The following CYP46A1 variants were observed in gnomAD, a reference collection of about 807,000 sequenced individuals.
CYP46A1 encodes cytochrome P450 family 46 subfamily A member 1, also known as cholesterol 24-hydroxylase.
CYP46A1 carries 20 observed loss-of-function variants against 63.3 expected under a neutral mutation model. The observed-to-expected ratio is 0.32, with a 90% confidence interval of 0.22 to 0.46. The LOEUF (loss-of-function observed/expected upper bound fraction) is 0.46. Ranked by LOEUF, CYP46A1 falls within the 20% of genes least tolerant of loss-of-function variation. CYP46A1 has a pLI of 1.00. For missense variants in CYP46A1, 445 were observed against 670.8 expected (o/e 0.66, Z 3.72); for synonymous variants, 268 against 273.6 (o/e 0.98, Z 0.20).
At chr14:99,692,321 A>T (rs1257927442) in intron 3 of CYP46A1, among the ~76,000 whole-genome samples, 1 of 152,254 alleles carries the variant, frequency 6.6e-6, no homozygotes, top group Non-Finnish European at 1.5e-5. Flanking sequence ...TAATCCTCAT[A>T]GGAGTAGGGA....
chr14:99,718,471 G>GT (rs1566835119), intron 10 of CYP46A1, among the ~76,000 whole-genome samples: 1 of 152,220 alleles, frequency 6.6e-6, no homozygotes, highest in South Asian at 2.1e-4. Context: ...AGGGACCGTG[G>GT]TTTTTTCCCT....
chr14:99,712,254 C>T (rs2056740407), intron 7 of CYP46A1: 1 of 152,138 alleles, frequency 6.6e-6, no homozygotes, highest in Non-Finnish European at 1.5e-5. Context: ...TTTCATCACT[C>T]TTATTCAACG....
intron 5 of CYP46A1, among the ~76,000 whole-genome samples, chr14:99,703,025 G>A (rs2056645317): frequency 6.6e-6 from 1 of 152,118 alleles, no homozygotes; most frequent in African/African-American, 2.4e-5. Context: ...CATTTTTGAA[G>A]ATGACAGGAC....
chr14:99,688,526 G>T (rs959459713), intron 1 of CYP46A1, among the ~76,000 whole-genome samples: 34 of 152,132 alleles, frequency 2.2e-4, no homozygotes, highest in Non-Finnish European at 2.6e-4. Context: ...CGGGAGGGTA[G>T]CCCAGGCCAA....
chr14:99,690,891 G>A (rs997658577), intron 1 of CYP46A1, among the ~76,000 whole-genome samples, 190 bp from the exon 2 acceptor site: 2 of 152,286 alleles, frequency 1.3e-5, no homozygotes, highest in Non-Finnish European at 2.9e-5. Context: ...GGGGGTCTTT[G>A]GAGCTGGTCA....
chr14:99,692,989 A>G (rs551264181), intron 3 of CYP46A1, among the ~76,000 whole-genome samples: 2 of 152,346 alleles, frequency 1.3e-5, no homozygotes, highest in African/African-American at 4.8e-5. Context: ...GGGACCTTGG[A>G]CAAGTTGCTT....
intron 1 of CYP46A1, 100 bp downstream of exon 1, chr14:99,684,636 AGT>A: frequency 2.8e-6 from 3 of 1,080,158 alleles, no homozygotes; most frequent in Non-Finnish European, 4.0e-6. Context: ...GGCCTCGCCT[AGT>A]GCGCGCGGCC....
intron 3 of CYP46A1, 106 bp downstream of exon 3, chr14:99,691,967 C>A: frequency 8.5e-7 from 1 of 1,176,198 alleles, no homozygotes; most frequent in Non-Finnish European, 1.2e-6. Context: ...GAGCCAGGCG[C>A]ATTTCGGCTG....
Position 99,726,906 on chromosome 14 carries a change from G to C in CYP46A1, c.*179G>C. The C allele has an allele frequency of 2.0e-6, 1 of 498,848 alleles. No individual in the cohort carries two copies. The highest frequency in any genetic ancestry group is 3.4e-6 in the Non-Finnish European group (1 of 290,226). 30.9% of individuals were successfully genotyped at this position (498,848 alleles called of 1,614,324 possible). A position where few individuals can be genotyped will look rare whatever the true frequency, so the allele number is the denominator to read the frequency against. The stretch of plus-strand genomic sequence containing the variant: ...CCCCTCAGCGCTCCCTGTCGCCTGC[G>C]GACTCCATGGCCCTTCCTGGACTGG... On this transcript the variant is annotated 3_prime_UTR_variant, in exon 15 of 15. Coordinates refer to ENST00000261835, the MANE Select transcript of CYP46A1 (RefSeq NM_006668.2).
At chr14:99,695,846 G>A (rs1365443727) in intron 3 of CYP46A1, among the ~76,000 whole-genome samples, 1 of 152,032 alleles carries the variant, frequency 6.6e-6, no homozygotes, top group Non-Finnish European at 1.5e-5. Context: ...GGCCAGTCTA[G>A]TCTTGAGCTC....
At chr14:99,720,057 C>G (rs1050294260) in intron 10 of CYP46A1, among the ~76,000 whole-genome samples, 1 of 150,864 alleles carries the variant, frequency 6.6e-6, no homozygotes, top group African/African-American at 2.4e-5. Flanking sequence ...CCACCGTGCC[C>G]GGCAGAACTC....
chr14:99,706,875 C>A, intron 6 of CYP46A1, 90 bp downstream of exon 6: 2 of 1,440,100 alleles, frequency 1.4e-6, no homozygotes, highest in Non-Finnish European at 9.3e-7. Flanking sequence ...TCTTCCCCTC[C>A]CTCCTGCTCC....
intron 3 of CYP46A1, among the ~76,000 whole-genome samples, chr14:99,692,656 C>G (rs1172351376): frequency 6.6e-6 from 1 of 152,014 alleles, no homozygotes; most frequent in Non-Finnish European, 1.5e-5. Context: ...ATGGTGAAAC[C>G]CTATCTCTAC....
intron 5 of CYP46A1, among the ~76,000 whole-genome samples, chr14:99,701,611 G>A (rs1438488925): frequency 1.3e-5 from 2 of 152,170 alleles, no homozygotes; most frequent in Non-Finnish European, 2.9e-5. Context: ...TTGTCGTTAA[G>A]TAACACATGA....
intron 1 of CYP46A1, among the ~76,000 whole-genome samples, chr14:99,688,888 C>T (rs1480946925): frequency 2.6e-5 from 4 of 152,166 alleles, no homozygotes; most frequent in African/African-American, 4.8e-5. Flanking sequence ...TGGGCAGAGC[C>T]GATGCCCCCT....
At chr14:99,724,065 G>A (rs962620454) in intron 12 of CYP46A1, among the ~76,000 whole-genome samples, 1 of 152,192 alleles carries the variant, frequency 6.6e-6, no homozygotes, top group Non-Finnish European at 1.5e-5. Context: ...TCTCCACATG[G>A]TCTTCCTTCT....
intron 8 of CYP46A1, 42 bp from the exon 9 acceptor site, chr14:99,716,093 GGA>G: frequency 6.2e-7 from 1 of 1,612,744 alleles, no homozygotes; most frequent in South Asian, 1.1e-5. Context: ...ATGGGGAAAG[GGA>G]GCAAAGATTT....
intron 3 of CYP46A1, among the ~76,000 whole-genome samples, chr14:99,697,910 C>T (rs757523677): frequency 6.6e-6 from 1 of 151,958 alleles, no homozygotes; most frequent in Admixed American, 6.6e-5. Flanking sequence ...AAGAATGGCT[C>T]ACTTAGACCT....
chr14:99,697,150 T>C (rs1003005607), intron 3 of CYP46A1, among the ~76,000 whole-genome samples: 4 of 152,366 alleles, frequency 2.6e-5, no homozygotes, highest in Non-Finnish European at 5.9e-5. Context: ...GCCAGTCTTC[T>C]GAAGTTCCAC....
Sources: gnomAD v4.1 joint callset for allele counts (sites outside exome capture counted in the v4.1 genomes callset) on GRCh38, gnomAD v4.1.1 for gene constraint, MANE v1.5 for transcripts, NCBI Gene and HGNC (gene_info 2026-07-23, HGNC 2026-07-21) for gene names.